DENND1A: variants seen among roughly 807,000 people sequenced by gnomAD.
DENND1A encodes DENN domain containing 1A, also known as DENN domain-containing protein 1A.
Under a neutral mutation model 113.7 loss-of-function variants are expected in DENND1A, and 51 were observed. The ratio of observed to expected loss-of-function variants is 0.45; its 90% CI spans 0.36 to 0.57. The LOEUF is 0.57. Among genes scored for constraint, DENND1A ranks in the 20% least tolerant of loss-of-function variants. The pLI, the probability that DENND1A is intolerant of heterozygous loss-of-function variation, is 0.00. For missense variants in DENND1A, 1,258 were observed against 1,395.9 expected, an observed-to-expected ratio of 0.90 and a Z score of 1.57; for synonymous variants, 565 against 570.8, an observed-to-expected ratio of 0.99 and a Z score of 0.14.
chr9:123,852,466 T>C (rs1168549743), intron 2 of DENND1A, among the ~76,000 whole-genome samples: 1 of 152,202 alleles, frequency 6.6e-6, no homozygotes, highest in Non-Finnish European at 1.5e-5. Context: ...GGTTGACTAT[T>C]TATTTCCCTC....
chr9:123,454,923 T>G (rs1046282730), intron 15 of DENND1A, 144 bp from the exon 16 acceptor site: 4 of 715,320 alleles, frequency 5.6e-6, no homozygotes. Flanking sequence ...TCTCAGCTCC[T>G]GGGTTCAAGC....
At chr9:123,839,168 A>G (rs1241251838) in intron 2 of DENND1A, among the ~76,000 whole-genome samples, 5 of 152,164 alleles carry the variant, frequency 3.3e-5, no homozygotes, top group Non-Finnish European at 7.4e-5. Flanking sequence ...ACCACTTTGA[A>G]CCATTACCAA....
Position 123,901,719 on chromosome 9 carries a change from A to C in DENND1A, c.18-22698T>G, listed in dbSNP as rs183696907. ...CTTGATAATTCTCACTGACACCTGG[A>C]CTCTTAAAATAAAGGTGATGTCTGC... On this transcript the variant is annotated intron_variant, in intron 1 of 23. Coordinates refer to ENST00000394215, the MANE Select transcript of DENND1A (RefSeq NM_001352964.2). 5.2e-3 allele frequency among the ~76,000 whole-genome samples: 794 copies of C among 152,214 alleles called. 2 individuals are homozygous for C. The highest frequency in any genetic ancestry group is 0.013 in the South Asian group (63 of 4,830).
intron 5 of DENND1A, among the ~76,000 whole-genome samples, chr9:123,719,633 G>A (rs2067207314): frequency 6.6e-6 from 1 of 150,446 alleles, no homozygotes; most frequent in Non-Finnish European, 1.5e-5. Flanking sequence ...AAGGTTTTCA[G>A]ATTTTTTTTT....
At chr9:123,385,425 A>G (rs2042510539) in intron 22 of DENND1A, among the ~76,000 whole-genome samples, 1 of 152,142 alleles carries the variant, frequency 6.6e-6, no homozygotes, top group Non-Finnish European at 1.5e-5. Context: ...AGCCTCCCAA[A>G]GTGCTGAGAT....
At chr9:123,494,476 G>C (rs1490795303) in intron 13 of DENND1A, among the ~76,000 whole-genome samples, 1 of 152,146 alleles carries the variant, frequency 6.6e-6, no homozygotes, top group Non-Finnish European at 1.5e-5. Flanking sequence ...CTAGAAACCA[G>C]GACTCCTGAT....
chr9:123,410,051 C>T (rs1459301073), intron 20 of DENND1A, among the ~76,000 whole-genome samples: 1 of 152,150 alleles, frequency 6.6e-6, no homozygotes, highest in African/African-American at 2.4e-5. Flanking sequence ...GAGATTGCAC[C>T]ACTGCACTCC....
At chr9:123,612,792 A>G (rs2060474181) in intron 10 of DENND1A, among the ~76,000 whole-genome samples, 1 of 152,200 alleles carries the variant, frequency 6.6e-6, no homozygotes, top group African/African-American at 2.4e-5. Flanking sequence ...CTTTTGTTAT[A>G]TCCTAGCAAA....
intron 2 of DENND1A, among the ~76,000 whole-genome samples, chr9:123,843,958 T>C (rs565717799): frequency 8.5e-5 from 13 of 152,210 alleles, no homozygotes; most frequent in Non-Finnish European, 1.5e-4. Context: ...TAGAGAATGA[T>C]GAACAAAAAT....
intron 19 of DENND1A, chr9:123,437,720 C>T (rs1021143053): frequency 6.6e-6 from 1 of 152,000 alleles, no homozygotes; most frequent in Non-Finnish European, 1.5e-5. Context: ...GTGAAGTGGC[C>T]CTGGGCAGGT....
chr9:123,671,552 A>G (rs1449199052), intron 6 of DENND1A, among the ~76,000 whole-genome samples, 181 bp from the exon 7 acceptor site: 1 of 152,152 alleles, frequency 6.6e-6, no homozygotes, highest in Admixed American at 6.5e-5. Context: ...AAACATAAAG[A>G]GCCAAATAGA....
intron 2 of DENND1A, among the ~76,000 whole-genome samples, chr9:123,802,784 C>A (rs533473386): frequency 6.6e-6 from 1 of 151,582 alleles, no homozygotes; most frequent in African/African-American, 2.4e-5. Context: ...CTCACCGCAA[C>A]CTTCGCCTCC....
chr9:123,399,362 A>C (rs2043307989), intron 21 of DENND1A, among the ~76,000 whole-genome samples: 1 of 152,044 alleles, frequency 6.6e-6, no homozygotes. Flanking sequence ...TACCTTTGAC[A>C]ATCTTTTTTA....
chr9:123,482,633 T>C (rs936212159), intron 13 of DENND1A, among the ~76,000 whole-genome samples: 13 of 152,234 alleles, frequency 8.5e-5, no homozygotes, highest in African/African-American at 3.1e-4. Flanking sequence ...CACAGTCAGC[T>C]ACCTGAGGAT....
chr9:123,411,192 C>A (rs1241180267), intron 20 of DENND1A: 1 of 152,066 alleles, frequency 6.6e-6, no homozygotes, highest in Non-Finnish European at 1.5e-5. Context: ...CTCCTGGGCT[C>A]AAGTGATCCT....
intron 13 of DENND1A, chr9:123,485,637 TAC>T (rs1491512370): frequency 1.3e-5 from 1 of 78,122 alleles, no homozygotes; most frequent in Non-Finnish European, 2.5e-5. Context: ...TGTGTGCGCG[TAC>T]ACACACGCGC....
chr9:123,652,811 A>C (rs1457174359), intron 8 of DENND1A, among the ~76,000 whole-genome samples: 1 of 152,206 alleles, frequency 6.6e-6, no homozygotes, highest in East Asian at 1.9e-4. Context: ...GTTGTGACAA[A>C]GCAGTGTTTT....
intron 7 of DENND1A, among the ~76,000 whole-genome samples, chr9:123,669,373 C>T (rs983911419): frequency 2.0e-5 from 3 of 152,182 alleles, no homozygotes; most frequent in Non-Finnish European, 2.9e-5. Flanking sequence ...AACACAATTC[C>T]AAAACCAAGT....
chr9:123,500,754 T>C (rs1279388112), intron 13 of DENND1A, among the ~76,000 whole-genome samples: 1 of 152,164 alleles, frequency 6.6e-6, no homozygotes, highest in African/African-American at 2.4e-5. Flanking sequence ...ACACAATGAA[T>C]TGAATGCAAA....
Sources: gnomAD v4.1 joint callset for allele counts (sites outside exome capture counted in the v4.1 genomes callset) on GRCh38, gnomAD v4.1.1 for gene constraint, MANE v1.5 for transcripts, NCBI Gene and HGNC (gene_info 2026-07-23, HGNC 2026-07-21) for gene names.